CYTH1: variants seen among roughly 807,000 people sequenced by gnomAD.
CYTH1 encodes the protein cytohesin-1.
In CYTH1, 18 loss-of-function variants were observed where a neutral mutation model predicts 61.8. That is an observed-to-expected ratio of 0.29 (90% CI 0.20 to 0.43). CYTH1 has a LOEUF of 0.43. Ranked by LOEUF, CYTH1 falls within the 20% of genes least tolerant of loss-of-function variation. The pLI is 1.00. For missense variants in CYTH1, 336 were observed against 510.5 expected (o/e 0.66, Z 3.29); for synonymous variants, 174 against 184.3 (o/e 0.94, Z 0.45).
At chr17:78,777,402 A>G (rs2093496922) in intron 1 of CYTH1, among the ~76,000 whole-genome samples, 1 of 152,208 alleles carries the variant, frequency 6.6e-6, no homozygotes, top group South Asian at 2.1e-4. Flanking sequence ...TGGGCAACAG[A>G]GCAAGACTCC....
intron 8 of CYTH1, among the ~76,000 whole-genome samples, 182 bp from the exon 9 acceptor site, chr17:78,698,562 G>A (rs1234250929): frequency 6.6e-6 from 1 of 152,016 alleles, no homozygotes; most frequent in African/African-American, 2.4e-5. Context: ...AAATAAATAA[G>A]CCTTCCCAAT....
chr17:78,741,767 CGTCTCCTG>C (rs1283066258), intron 1 of CYTH1, among the ~76,000 whole-genome samples: 1 of 152,188 alleles, frequency 6.6e-6, no homozygotes, highest in African/African-American at 2.4e-5. Flanking sequence ...CTCACCCTTG[CGTCTCCTG>C]GTCAAACCCA....
At chr17:78,756,124 G>T (rs2093400193) in intron 1 of CYTH1, among the ~76,000 whole-genome samples, 1 of 144,016 alleles carries the variant, frequency 6.9e-6, no homozygotes. Flanking sequence ...CACCTAGGCT[G>T]GAGTGCAGCA....
intron 1 of CYTH1, among the ~76,000 whole-genome samples, chr17:78,722,846 G>A (rs1191808147): frequency 6.6e-6 from 1 of 152,120 alleles, no homozygotes; most frequent in Non-Finnish European, 1.5e-5. Context: ...AGTCCTTACC[G>A]AGTAAAACAG....
intron 1 of CYTH1, among the ~76,000 whole-genome samples, chr17:78,734,864 G>GT (rs1178497419): frequency 1.3e-5 from 2 of 152,142 alleles, no homozygotes; most frequent in African/African-American, 2.4e-5. Context: ...TCTTTAGGGC[G>GT]TAAGTCTAGT....
chr17:78,753,529 A>ATAAATAAG (rs1555614199), intron 1 of CYTH1, among the ~76,000 whole-genome samples: 2,665 of 151,950 alleles, frequency 0.018, 30 homozygotes, highest in South Asian at 0.023. Context: ...AAATAAATAA[A>ATAAATAAG]TAAAGATAAC....
intron 1 of CYTH1, among the ~76,000 whole-genome samples, chr17:78,749,424 C>A (rs1327951985): frequency 2.6e-5 from 4 of 152,106 alleles, no homozygotes; most frequent in Non-Finnish European, 5.9e-5. Context: ...TGTGCCATTG[C>A]ACCCCAGTCT....
At chr17:78,753,919 A>G (rs1387504109) in intron 1 of CYTH1, among the ~76,000 whole-genome samples, 3 of 152,216 alleles carry the variant, frequency 2.0e-5, no homozygotes, top group South Asian at 4.1e-4. Context: ...CTTAAAAAAT[A>G]TAAGAAGTCC....
At position 78,721,244 on chromosome 17, in the gene CYTH1, C is replaced by T. The variant is rs1012581554; in HGVS notation, c.23-11512G>A. On this transcript the variant is annotated intron_variant, in intron 1 of 13. Coordinates refer to ENST00000446868, the MANE Select transcript of CYTH1 (RefSeq NM_004762.6). ...ACTTGGGAGGCTGGGGCAAGAAAAT[C>T]GCTTGAATTTGGGAGACAGAGGTTG... Among the ~76,000 whole-genome samples the T allele has an allele frequency of 4.6e-5, 7 of 152,112 alleles. No individual in the cohort carries two copies. The South Asian group carries it at 6.2e-4, about 14-fold the overall frequency.
intron 13 of CYTH1, chr17:78,678,058 G>A (rs1380497786): frequency 6.6e-6 from 1 of 152,370 alleles, no homozygotes; most frequent in Non-Finnish European, 1.5e-5. Context: ...TGCCTGCAGA[G>A]TGCCAAAGGG....
At chr17:78,756,642 A>G (rs989170793) in intron 1 of CYTH1, among the ~76,000 whole-genome samples, 13 of 152,234 alleles carry the variant, frequency 8.5e-5, no homozygotes, top group African/African-American at 2.7e-4. Context: ...CTGTCTATTC[A>G]GAACTAAATC....
chr17:78,687,731 G>A (rs1481752830), intron 11 of CYTH1, among the ~76,000 whole-genome samples: 8 of 152,302 alleles, frequency 5.3e-5, no homozygotes, highest in South Asian at 2.1e-4. Context: ...TTGATCTGCC[G>A]ACTGGGACAC....
intron 1 of CYTH1, among the ~76,000 whole-genome samples, chr17:78,767,783 G>A (rs1207291032): frequency 6.6e-6 from 1 of 152,172 alleles, no homozygotes; most frequent in Admixed American, 6.5e-5. Flanking sequence ...GCAAGTCTCG[G>A]ACATGCTGAA....
At position 78,701,650 on chromosome 17, in the gene CYTH1, GCTCAC is replaced by G; in HGVS notation, c.437+16_437+20del. On this transcript the variant is annotated intron_variant, in intron 6 of 13. Coordinates refer to ENST00000446868, the MANE Select transcript of CYTH1 (RefSeq NM_004762.6). ...CTAGCCTCCCACTCCTTCCAAAGGG[GCTCAC>G]CTCAAGAATACTCACCGTAGTGCCT... The G allele has an allele frequency of 1.2e-6, 2 of 1,612,250 alleles. No individual in the cohort carries two copies. The highest frequency in any genetic ancestry group is 1.7e-6 in the Non-Finnish European group (2 of 1,178,336).
chr17:78,680,057 C>G, intron 13 of CYTH1, 133 bp downstream of exon 13: 1 of 1,273,728 alleles, frequency 7.9e-7, no homozygotes, highest in Non-Finnish European at 1.1e-6. Flanking sequence ...AGCTGGGAAC[C>G]AGGACGAAGC....
intron 11 of CYTH1, among the ~76,000 whole-genome samples, chr17:78,682,321 T>A (rs2092772369): frequency 6.6e-6 from 1 of 152,208 alleles, no homozygotes; most frequent in African/African-American, 2.4e-5. Flanking sequence ...TAACCTCTTA[T>A]CAAAATCTCC....
chr17:78,718,967 G>C (rs2093205880), intron 1 of CYTH1, among the ~76,000 whole-genome samples: 1 of 152,226 alleles, frequency 6.6e-6, no homozygotes, highest in Non-Finnish European at 1.5e-5. Flanking sequence ...AGGCAGCGGG[G>C]GTACAACACT....
In CYTH1 at chr17:78,709,665, C is replaced by G. The variant is rs200795973; in HGVS notation, c.90G>C (p.Leu30=). The G allele has an allele frequency of 9.2e-5, 148 of 1,614,254 alleles. No homozygotes were observed. The Middle Eastern group carries it at 1.2e-3, about 13-fold the overall frequency. The change falls in exon 2 of 14, where the codon CTG becomes CTC. Residue 30 remains leucine, a synonymous_variant. Transcript: ENST00000446868. ...ACTCTCCTACCTGAATGTCAGCCAGCAGCTCCTGTTTTCTCCGTCGGATGT... is the reference window on the plus strand; with the variant it reads ...ACTCTCCTACCTGAATGTCAGCCAGGAGCTCCTGTTTTCTCCGTCGGATGT... ...LENIRRRKQE[L]LADIQRLKDE...
intron 1 of CYTH1, among the ~76,000 whole-genome samples, chr17:78,725,269 A>G (rs75175738): frequency 0.012 from 1,795 of 152,252 alleles, 28 homozygotes; most frequent in African/African-American, 0.04. Flanking sequence ...GTTTACCCAT[A>G]TTAACCATCA....
Sources: gnomAD v4.1 joint callset for allele counts (sites outside exome capture counted in the v4.1 genomes callset) on GRCh38, gnomAD v4.1.1 for gene constraint, MANE v1.5 for transcripts, NCBI Gene and HGNC (gene_info 2026-07-23, HGNC 2026-07-21) for gene names.